Variants in CRYBG1 observed in about 807,000 individuals in gnomAD.
CRYBG1 encodes the protein crystallin beta-gamma domain containing 1, also known as beta/gamma crystallin domain-containing protein 1.
In CRYBG1, 139 loss-of-function variants were observed where a neutral mutation model predicts 189.2. The ratio of observed to expected loss-of-function variants is 0.73; its 90% CI spans 0.64 to 0.85. CRYBG1 has a LOEUF of 0.85. Among genes scored for constraint, CRYBG1 ranks in the 40% least tolerant of loss-of-function variants. The pLI, the probability that CRYBG1 is intolerant of heterozygous loss-of-function variation, is 0.00. For missense variants in CRYBG1, 2,611 were observed against 2,675.8 expected, an observed-to-expected ratio of 0.98 and a Z score of 0.53; for synonymous variants, 1,023 against 1,017.1, an observed-to-expected ratio of 1.01 and a Z score of -0.11.
chr6:106,416,999 C>CTTTTTTTTT lies in CRYBG1; in HGVS notation c.174-34679_174-34671dup, dbSNP rs71663353. Among the ~76,000 whole-genome samples, 34 of 69,482 alleles carry CTTTTTTTTT rather than the reference C, an allele frequency of 4.9e-4. 1 individual carries two copies. Among genetic ancestry groups the CTTTTTTTTT allele is most frequent in the African/African-American group, 1.2e-3 (19 of 15,688 alleles). The allele number at this position is 69,482 out of a possible 152,430, so 45.6% of individuals were successfully genotyped here. ...AGAACAAAGGCAATGATGGGATTTA[C>CTTTTTTTTT]TTTTTTTTTTTTTTTTTTTTTTTTG... is the stretch of plus-strand genomic sequence containing the variant. On this transcript the variant is annotated intron_variant, in intron 1 of 21. Coordinates refer to ENST00000633556, the MANE Select transcript of CRYBG1 (RefSeq NM_001371242.2).
intron 2 of CRYBG1, among the ~76,000 whole-genome samples, chr6:106,468,044 T>G (rs536990289): frequency 1.3e-5 from 2 of 152,134 alleles, no homozygotes; most frequent in South Asian, 4.2e-4. Context: ...AAGTGTTGAA[T>G]AAATGGTGAG....
chr6:106,386,713 G>A (rs71572298), intron 1 of CRYBG1, among the ~76,000 whole-genome samples: 18,355 of 152,132 alleles, frequency 0.12, 1,211 homozygotes, highest in African/African-American at 0.16. Flanking sequence ...GAATGCCACC[G>A]CTAGACATAC....
chr6:106,522,630 G>A (rs1255465815), intron 4 of CRYBG1, among the ~76,000 whole-genome samples: 1 of 152,198 alleles, frequency 6.6e-6, no homozygotes, highest in Non-Finnish European at 1.5e-5. Flanking sequence ...AACCTGAGTA[G>A]GGTTTGTATT....
intron 1 of CRYBG1, among the ~76,000 whole-genome samples, chr6:106,415,207 T>C (rs1212620905): frequency 1.3e-5 from 2 of 152,234 alleles, no homozygotes; most frequent in African/African-American, 2.4e-5. Flanking sequence ...CTCATGAAGA[T>C]ACATGTTTAT....
intron 1 of CRYBG1, among the ~76,000 whole-genome samples, chr6:106,447,996 A>C (rs1771699898): frequency 2.0e-5 from 3 of 152,348 alleles, no homozygotes; most frequent in African/African-American, 7.2e-5. Flanking sequence ...TTCAGGAGAC[A>C]AACTTGTCCA....
chr6:106,494,895 A>G (rs1271068337), intron 2 of CRYBG1, among the ~76,000 whole-genome samples: 1 of 152,194 alleles, frequency 6.6e-6, no homozygotes, highest in Non-Finnish European at 1.5e-5. Flanking sequence ...GCAAAACAAA[A>G]CACACAACAT....
chr6:106,545,056 A>G (rs558006453), intron 13 of CRYBG1, 123 bp downstream of exon 13: 11 of 780,584 alleles, frequency 1.4e-5, no homozygotes, highest in African/African-American at 1.4e-4. Flanking sequence ...TTAACATTAA[A>G]TCAGTCATTT....
At chr6:106,376,817 G>A (rs772171003) in intron 1 of CRYBG1, among the ~76,000 whole-genome samples, 1 of 152,120 alleles carries the variant, frequency 6.6e-6, no homozygotes, top group Non-Finnish European at 1.5e-5. Context: ...GAATCCAAGT[G>A]GTACGCTCTT....
chr6:106,441,352 G>A (rs556151330), intron 1 of CRYBG1, among the ~76,000 whole-genome samples: 2 of 152,142 alleles, frequency 1.3e-5, no homozygotes, highest in South Asian at 4.2e-4. Context: ...TGGAGAGCAG[G>A]GATACTGTGA....
At chr6:106,539,276 A>G in intron 8 of CRYBG1, 127 bp from the exon 9 acceptor site, 3 of 1,080,356 alleles carry the variant, frequency 2.8e-6, no homozygotes, top group Non-Finnish European at 4.0e-6. Flanking sequence ...CCTGAGTCCA[A>G]CCATTCATTA....
chr6:106,541,326 TA>T (rs764040243), intron 9 of CRYBG1: 3 of 622,768 alleles, frequency 4.8e-6, no homozygotes, highest in African/African-American at 3.6e-5. Context: ...TTTTCCAAGT[TA>T]AAAAAACTTG....
chr6:106,525,362 TACTC>T lies in CRYBG1; in HGVS notation c.4390_4393del (p.Leu1464Ter). Reference sequence around the variant, plus strand: ...AGTTCTTGGAGCCTCTCTCCAGTGATACTCATAAAAGTTGTTAGAGGATGGTAAG... The same window carrying T: ...AGTTCTTGGAGCCTCTCTCCAGTGATATAAAAGTTGTTAGAGGATGGTAAG... On this transcript the variant is annotated frameshift_variant, in exon 6 of 22. Transcript: ENST00000633556. LOFTEE classifies it high-confidence loss of function. 1 of 1,614,062 alleles carries T rather than the reference TACTC, an allele frequency of 6.2e-7. No homozygotes were observed. The highest frequency in any genetic ancestry group is 8.5e-7 in the Non-Finnish European group (1 of 1,179,914).
At chr6:106,420,906 A>G (rs1333334029) in intron 1 of CRYBG1, 1 of 152,460 alleles carries the variant, frequency 6.6e-6, no homozygotes, top group African/African-American at 2.4e-5. Flanking sequence ...TAGAGCCTCA[A>G]TTGCTGATAA....
chr6:106,406,032 C>T (rs1446688842), intron 1 of CRYBG1, among the ~76,000 whole-genome samples: 3 of 152,164 alleles, frequency 2.0e-5, no homozygotes, highest in Non-Finnish European at 2.9e-5. Context: ...ATGAGTTTGA[C>T]GAATTGACAG....
At chr6:106,537,614 G>T (rs1026508601) in intron 8 of CRYBG1, among the ~76,000 whole-genome samples, 1 of 152,116 alleles carries the variant, frequency 6.6e-6, no homozygotes, top group African/African-American at 2.4e-5. Context: ...TGTACAAAAA[G>T]GTACATAAAC....
intron 1 of CRYBG1, among the ~76,000 whole-genome samples, chr6:106,375,029 C>T (rs758187590): frequency 6.6e-6 from 1 of 151,968 alleles, no homozygotes; most frequent in African/African-American, 2.4e-5. Flanking sequence ...GGGGGCATAA[C>T]CTTTTTGATG....
chr6:106,551,165 T>C (rs933218848), intron 13 of CRYBG1, among the ~76,000 whole-genome samples: 1 of 151,164 alleles, frequency 6.6e-6, no homozygotes, highest in African/African-American at 2.4e-5. Context: ...CCAGGGCCTA[T>C]TTTTTTTTCT....
chr6:106,458,431 C>G (rs1771933785), intron 2 of CRYBG1, among the ~76,000 whole-genome samples: 1 of 152,094 alleles, frequency 6.6e-6, no homozygotes, highest in Non-Finnish European at 1.5e-5. Context: ...GTTTATTTTC[C>G]CCTGTGTTGC....
intron 16 of CRYBG1, 82 bp downstream of exon 16, chr6:106,553,649 G>C: frequency 1.1e-6 from 1 of 948,434 alleles, no homozygotes; most frequent in Non-Finnish European, 1.7e-6. Flanking sequence ...AGTGATGCCT[G>C]TTAGGTGCTT....
Sources: allele counts gnomAD v4.1 joint callset (sites outside exome capture counted in the v4.1 genomes callset), GRCh38; gene constraint gnomAD v4.1.1; transcripts MANE v1.5; gene names NCBI Gene and HGNC (gene_info 2026-07-23, HGNC 2026-07-21).